RNF212B: variants seen among roughly 807,000 people sequenced by gnomAD.
RNF212B encodes the protein ring finger protein 212B.
RNF212B carries 52 observed loss-of-function variants against 55.5 expected under a neutral mutation model. The ratio of observed to expected loss-of-function variants is 0.94; its 90% CI spans 0.75 to 1.18. The LOEUF is 1.18. Ranked by LOEUF, RNF212B falls within the 50% of genes most tolerant of loss-of-function variation. The pLI is 0.00. For synonymous variants in RNF212B, 99 were observed against 121.4 expected (o/e 0.82, Z 1.21); for missense variants, 289 against 350.4 (o/e 0.82, Z 1.40).
intron 1 of RNF212B, among the ~76,000 whole-genome samples, chr14:23,187,691 C>T (rs1877728647): frequency 6.6e-6 from 1 of 152,086 alleles, no homozygotes; most frequent in African/African-American, 2.4e-5. Flanking sequence ...CAAATCTCTC[C>T]CTGGAGTCAA....
chr14:23,229,787 A>T (rs1353861294), intron 2 of RNF212B, among the ~76,000 whole-genome samples: 1 of 152,158 alleles, frequency 6.6e-6, no homozygotes, highest in Admixed American at 6.6e-5. Context: ...GTTCTCACAT[A>T]TTTATTACTG....
At chr14:23,229,041 C>A (rs1023308974) in intron 2 of RNF212B, among the ~76,000 whole-genome samples, 1 of 151,676 alleles carries the variant, frequency 6.6e-6, no homozygotes, top group African/African-American at 2.4e-5. Flanking sequence ...CCCCTAGTTC[C>A]TGCTAACCTC....
rs1193454949 is a variant in RNF212B at position 23,272,934 on chromosome 14, A to C, written c.*43A>C. Reference sequence around the variant, plus strand: ...ATCTATACATGCTGCTGAAGGATGGACTGTAGCTTCCAGTACGCATTAGGG... The same window carrying C: ...ATCTATACATGCTGCTGAAGGATGGCCTGTAGCTTCCAGTACGCATTAGGG... On this transcript the variant is annotated 3_prime_UTR_variant, in exon 15 of 15. Coordinates refer to ENST00000430154, the MANE Select transcript of RNF212B (RefSeq NM_001282322.3). 1 of 1,211,678 alleles carries C rather than the reference A, an allele frequency of 8.3e-7. No homozygotes were observed. Among genetic ancestry groups the C allele is most frequent in the South Asian group, 1.5e-5 (1 of 68,902 alleles). 75.1% of individuals were successfully genotyped at this position (1,211,678 alleles called of 1,614,324 possible).
chr14:23,216,233 G>A (rs34210072), intron 2 of RNF212B, among the ~76,000 whole-genome samples: 25,424 of 152,024 alleles, frequency 0.17, 2,152 homozygotes, highest in Non-Finnish European at 0.18. Context: ...GTGACAGAGC[G>A]AGACTCCATT....
At chr14:23,199,901 G>A (rs1879114256) in intron 2 of RNF212B, among the ~76,000 whole-genome samples, 1 of 151,140 alleles carries the variant, frequency 6.6e-6, no homozygotes. Context: ...CTCCTAATTA[G>A]GAAACATGGG....
At chr14:23,228,613 C>T (rs1224992123) in intron 2 of RNF212B, among the ~76,000 whole-genome samples, 1 of 151,756 alleles carries the variant, frequency 6.6e-6, no homozygotes, top group Non-Finnish European at 1.5e-5. Flanking sequence ...CACATTAACG[C>T]AATCCAGCCT....
At chr14:23,214,647 A>AAT (rs386380887) in intron 2 of RNF212B, among the ~76,000 whole-genome samples, 1 of 3,676 alleles carries the variant, frequency 2.7e-4, no homozygotes, top group East Asian at 5.1e-3. Context: ...AAAGCATAGG[A>AAT]AAGTCAGTGA....
At chr14:23,245,039 C>T (rs178778) in intron 4 of RNF212B, among the ~76,000 whole-genome samples, 77,691 of 151,840 alleles carry the variant, frequency 0.51, 20,386 homozygotes, top group African/African-American at 0.63. Context: ...GGTTTTTTTC[C>T]TTCTACTCCC....
chr14:23,240,287 C>G (rs555484994), intron 1 of RNF212B, 58 bp from the exon 2 acceptor site: 2 of 1,159,340 alleles, frequency 1.7e-6, no homozygotes, highest in South Asian at 1.4e-5. Flanking sequence ...GATTTTGGAA[C>G]AGCTATAATT....
chr14:23,234,227 A>G (rs572069090), upstream of RNF212B, among the ~76,000 whole-genome samples: 5 of 151,950 alleles, frequency 3.3e-5, no homozygotes, highest in Non-Finnish European at 7.4e-5. Context: ...CTCTTTGTAT[A>G]TTAAAGCTAT....
upstream of RNF212B, among the ~76,000 whole-genome samples, chr14:23,237,874 A>G (rs1883231199): frequency 6.6e-6 from 1 of 151,406 alleles, no homozygotes. Flanking sequence ...AGCCACGCCC[A>G]CTGATTTAGC....
intron 4 of RNF212B, among the ~76,000 whole-genome samples, chr14:23,252,633 G>A (rs1398058819): frequency 6.6e-6 from 1 of 152,182 alleles, no homozygotes; most frequent in East Asian, 1.9e-4. Context: ...TGGACAGGTA[G>A]TAAGCCAAGG....
intron 2 of RNF212B, among the ~76,000 whole-genome samples, chr14:23,230,571 G>A (rs905434218): frequency 6.7e-6 from 1 of 148,928 alleles, no homozygotes; most frequent in Non-Finnish European, 1.5e-5. Flanking sequence ...GGAGAATGGC[G>A]TGAACCCGGG....
chr14:23,270,655 C>G lies in RNF212B; in HGVS notation c.828C>G (p.Val276=). 1 of 1,548,616 alleles carries G rather than the reference C, an allele frequency of 6.5e-7. No individual in the cohort carries two copies. The highest frequency in any genetic ancestry group is 2.0e-5 in the Admixed American group (1 of 51,002). ...GTCTTCCTAGTTTCCAGCTACCAGT[C>G]CTGCAGGTGAGACCTGGCTAGTCTA... is the stretch of plus-strand genomic sequence containing the variant. ...LESLPSFQLP[V]LQTLYQQRRH... is the part of the protein sequence containing the mutation. Residue 276 remains valine (V), a synonymous_variant, in exon 14 of 15, where the codon GTC becomes GTG. Transcript: ENST00000430154.
At chr14:23,248,423 C>A (rs9919912) in intron 4 of RNF212B, among the ~76,000 whole-genome samples, 4 of 149,904 alleles carry the variant, frequency 2.7e-5, no homozygotes, top group Admixed American at 2.7e-4. Flanking sequence ...TGAGCCACCA[C>A]GCCCAACCCC....
intron 2 of RNF212B, among the ~76,000 whole-genome samples, chr14:23,227,289 G>C (rs1398597199): frequency 1.3e-5 from 2 of 151,828 alleles, no homozygotes; most frequent in African/African-American, 2.4e-5. Flanking sequence ...AGAGGAGTTT[G>C]TGCTCAAAGA....
At chr14:23,218,813 G>A (rs541080408) in intron 2 of RNF212B, among the ~76,000 whole-genome samples, 124 of 152,038 alleles carry the variant, frequency 8.2e-4, no homozygotes, top group Non-Finnish European at 1.6e-3. Context: ...TAAACCTAGA[G>A]AAAGATATCA....
chr14:23,231,517 C>G (rs1050355423), intron 2 of RNF212B, among the ~76,000 whole-genome samples: 11 of 152,184 alleles, frequency 7.2e-5, no homozygotes, highest in African/African-American at 2.7e-4. Flanking sequence ...ATCAAAATTA[C>G]AAATCTAGAT....
chr14:23,243,102 A>G (rs567813390), intron 2 of RNF212B, among the ~76,000 whole-genome samples, 154 bp from the exon 3 acceptor site: 1 of 151,244 alleles, frequency 6.6e-6, no homozygotes, highest in Non-Finnish European at 1.5e-5. Flanking sequence ...GCTTAAGTTG[A>G]TGTCCTTTTA....
Sources: gnomAD v4.1 joint callset for allele counts (sites outside exome capture counted in the v4.1 genomes callset) on GRCh38, gnomAD v4.1.1 for gene constraint, MANE v1.5 for transcripts, NCBI Gene and HGNC (gene_info 2026-07-23, HGNC 2026-07-21) for gene names.